The following ATG7 variants were observed in gnomAD, a reference collection of about 807,000 sequenced individuals.
ATG7 encodes ubiquitin-like modifier-activating enzyme ATG7.
A neutral mutation model predicts 82.4 loss-of-function variants in ATG7; 70 were observed. The ratio of observed to expected loss-of-function variants is 0.85; its 90% CI spans 0.70 to 1.04. The LOEUF (loss-of-function observed/expected upper bound fraction) is 1.04. Among genes scored for constraint, ATG7 ranks in the 50% least tolerant of loss-of-function variants. ATG7 has a pLI of 0.00. For synonymous variants in ATG7, 287 were observed against 313.0 expected (o/e 0.92, Z 0.88); for missense variants, 792 against 864.3 (o/e 0.92, Z 1.05).
rs554076056 is a variant in ATG7 at position 11,543,472 on chromosome 3, G to A, written c.2080-11339G>A. On this transcript the variant is annotated intron_variant, in intron 20 of 20. Transcript: ENST00000693202. ...GCTGAGTTTGGGGCAATGGTTCCCTGAGAAGAGGGGTTTGGTCTTAATTCC... is the reference window on the plus strand; with the variant it reads ...GCTGAGTTTGGGGCAATGGTTCCCTAAGAAGAGGGGTTTGGTCTTAATTCC... Among the ~76,000 whole-genome samples, 7 of 152,350 alleles carry A rather than the reference G, an allele frequency of 4.6e-5. No individual in the cohort carries two copies. In the South Asian group the frequency reaches 1.5e-3, roughly 32 times the overall value.
chr3:11,500,306 T>A (rs2091228267), intron 20 of ATG7, among the ~76,000 whole-genome samples: 1 of 152,212 alleles, frequency 6.6e-6, no homozygotes, highest in South Asian at 2.1e-4. Context: ...AACTGCTGTT[T>A]AGTTAATATG....
intron 20 of ATG7, among the ~76,000 whole-genome samples, chr3:11,527,041 ATGTGTGTGTG>A (rs370131709): frequency 0.014 from 1,992 of 138,292 alleles, 31 homozygotes; most frequent in East Asian, 0.068. Context: ...GTGTGTATAT[ATGTGTGTGTG>A]TGTGTGTGTG....
At chr3:11,538,926 G>A (rs1243567250) in intron 20 of ATG7, among the ~76,000 whole-genome samples, 1 of 151,914 alleles carries the variant, frequency 6.6e-6, no homozygotes, top group Non-Finnish European at 1.5e-5. Flanking sequence ...ATGAGTGACT[G>A]AAGGAAGGAA....
chr3:11,365,370 A>G (rs2076532455), intron 18 of ATG7, among the ~76,000 whole-genome samples: 1 of 152,224 alleles, frequency 6.6e-6, no homozygotes, highest in Non-Finnish European at 1.5e-5. Flanking sequence ...AATCCAAAGC[A>G]TCATGAGGAA....
intron 9 of ATG7, among the ~76,000 whole-genome samples, chr3:11,322,545 G>A (rs750432928): frequency 3.3e-5 from 5 of 151,790 alleles, no homozygotes; most frequent in Admixed American, 3.3e-4. Context: ...TTTTAATCCT[G>A]TGCATTTTTT....
chr3:11,345,365 C>T (rs918614836), intron 13 of ATG7, among the ~76,000 whole-genome samples: 1 of 151,932 alleles, frequency 6.6e-6, no homozygotes, highest in Non-Finnish European at 1.5e-5. Context: ...GCGGAGATAG[C>T]GCCACTGCAC....
chr3:11,337,618 A>C (rs1172517909), intron 11 of ATG7, among the ~76,000 whole-genome samples: 1 of 151,946 alleles, frequency 6.6e-6, no homozygotes, highest in Non-Finnish European at 1.5e-5. Context: ...AGGGCATCTA[A>C]TTTTCTTAGA....
chr3:11,510,553 C>G (rs2447607), intron 20 of ATG7, among the ~76,000 whole-genome samples: 40 of 150,962 alleles, frequency 2.6e-4, no homozygotes, highest in African/African-American at 9.7e-4. Context: ...AAGCTGTCCC[C>G]TCGCTCTTTG....
intron 14 of ATG7, among the ~76,000 whole-genome samples, chr3:11,356,406 C>A (rs1054510703): frequency 6.6e-6 from 1 of 152,164 alleles, no homozygotes; most frequent in African/African-American, 2.4e-5. Flanking sequence ...TGGGGAAAAG[C>A]CTGGCCATTA....
chr3:11,348,075 TA>T (rs1244537180), intron 14 of ATG7, 40 bp downstream of exon 14: 1 of 1,576,736 alleles, frequency 6.3e-7, no homozygotes, highest in African/African-American at 1.4e-5. Context: ...GTTATATGTA[TA>T]AATGTTTAAG....
chr3:11,463,289 CA>C (rs748405569), intron 20 of ATG7, among the ~76,000 whole-genome samples: 1 of 152,194 alleles, frequency 6.6e-6, no homozygotes, highest in Non-Finnish European at 1.5e-5. Flanking sequence ...TGAGAGGACT[CA>C]GGTTGCTGAC....
chr3:11,515,461 GC>G (rs1559785803), intron 20 of ATG7, among the ~76,000 whole-genome samples: 1 of 152,084 alleles, frequency 6.6e-6, no homozygotes, highest in Non-Finnish European at 1.5e-5. Context: ...GTGCCACCAC[GC>G]CCAGCAAATT....
intron 20 of ATG7, among the ~76,000 whole-genome samples, chr3:11,460,222 T>C (rs2086172879): frequency 6.6e-6 from 1 of 152,230 alleles, no homozygotes; most frequent in Non-Finnish European, 1.5e-5. Flanking sequence ...CAATCTAGGC[T>C]CTATCTGAAC....
chr3:11,498,887 G>C (rs954164887), intron 20 of ATG7, among the ~76,000 whole-genome samples: 2 of 152,144 alleles, frequency 1.3e-5, no homozygotes, highest in African/African-American at 4.8e-5. Flanking sequence ...GAGCCAAACT[G>C]TTCACATCCT....
chr3:11,380,618 GT>G (rs1173775671), intron 19 of ATG7, among the ~76,000 whole-genome samples: 2 of 152,204 alleles, frequency 1.3e-5, no homozygotes, highest in Non-Finnish European at 2.9e-5. Flanking sequence ...GGCATCTCGT[GT>G]TTTAATAGGC....
At chr3:11,522,554 A>T (rs2092469772) in intron 20 of ATG7, among the ~76,000 whole-genome samples, 2 of 152,050 alleles carry the variant, frequency 1.3e-5, no homozygotes. Context: ...CCACTGAGAC[A>T]CTCCTGTAAG....
At chr3:11,318,358 T>C (rs992413588) in intron 9 of ATG7, among the ~76,000 whole-genome samples, 5 of 152,228 alleles carry the variant, frequency 3.3e-5, no homozygotes, top group South Asian at 2.1e-4. Context: ...CATTGACCTG[T>C]GGAAAATTAA....
At chr3:11,494,339 T>C (rs2090640166) in intron 20 of ATG7, among the ~76,000 whole-genome samples, 1 of 152,210 alleles carries the variant, frequency 6.6e-6, no homozygotes, top group Non-Finnish European at 1.5e-5. Flanking sequence ...TGTCTCATTG[T>C]CCAGCTGTAA....
chr3:11,534,491 G>A (rs926301729), intron 20 of ATG7, among the ~76,000 whole-genome samples: 7 of 152,234 alleles, frequency 4.6e-5, no homozygotes, highest in Admixed American at 1.3e-4. Context: ...TGGAGGAGAG[G>A]ACACCTCCCC....
Sources: allele counts gnomAD v4.1 joint callset (sites outside exome capture counted in the v4.1 genomes callset), GRCh38; gene constraint gnomAD v4.1.1; transcripts MANE v1.5; gene names NCBI Gene and HGNC (gene_info 2026-07-23, HGNC 2026-07-21).